The following DLG1 variants were observed in gnomAD, a reference collection of about 807,000 sequenced individuals.
DLG1 encodes the protein discs large MAGUK scaffold protein 1, also known as disks large homolog 1.
A neutral mutation model predicts 123.4 loss-of-function variants in DLG1; 42 were observed. The observed-to-expected ratio is 0.34, with a 90% CI of 0.27 to 0.44. The LOEUF (loss-of-function observed/expected upper bound fraction) is 0.44. Ranked by LOEUF, DLG1 falls within the 20% of genes least tolerant of loss-of-function variation. The pLI is 1.00. For missense variants in DLG1, 942 were observed against 1,082.6 expected, an observed-to-expected ratio of 0.87 and a Z score of 1.82; for synonymous variants, 317 against 356.2, an observed-to-expected ratio of 0.89 and a Z score of 1.24.
At chr3:197,133,350 G>C (rs1037107848) in intron 10 of DLG1, among the ~76,000 whole-genome samples, 1 of 152,218 alleles carries the variant, frequency 6.6e-6, no homozygotes, top group South Asian at 2.1e-4. Flanking sequence ...TCCCAGCTAA[G>C]AGCCAACTTG....
intron 11 of DLG1, among the ~76,000 whole-genome samples, chr3:197,120,239 T>G (rs1194071714): frequency 7.0e-6 from 1 of 143,788 alleles, no homozygotes; most frequent in Non-Finnish European, 1.5e-5. Context: ...CCAGCCTACG[T>G]AGGTGACAGA....
In DLG1 at chr3:197,297,219, A is replaced by T. The variant is rs111536435; in HGVS notation, c.-15T>A. On this transcript the variant is annotated 5_prime_UTR_variant, in exon 2 of 25. Coordinates refer to ENST00000667157, the MANE Select transcript of DLG1 (RefSeq NM_001366207.1). Reference sequence around the variant, plus strand: ...CGGACCGGCATTTTTCTCCAGAATCAGGAAGAGGGCACACACCTTTAAAAC... The same window carrying T: ...CGGACCGGCATTTTTCTCCAGAATCTGGAAGAGGGCACACACCTTTAAAAC... 6.2e-7 allele frequency: 1 copy of T among 1,614,178 alleles called. No individual in the cohort carries two copies. Among genetic ancestry groups the T allele is most frequent in the African/African-American group, 1.3e-5 (1 of 75,046 alleles).
At chr3:197,256,321 T>A (rs1188391630) in intron 4 of DLG1, among the ~76,000 whole-genome samples, 1 of 152,278 alleles carries the variant, frequency 6.6e-6, no homozygotes, top group African/African-American at 2.4e-5. Context: ...GGTAAGTAAA[T>A]GAGTGAGTGT....
intron 4 of DLG1, among the ~76,000 whole-genome samples, chr3:197,277,411 T>A (rs1480688103): frequency 6.6e-6 from 1 of 151,806 alleles, no homozygotes; most frequent in East Asian, 1.9e-4. Flanking sequence ...CCTTCCTGGG[T>A]TCTTTGGCAA....
intron 4 of DLG1, among the ~76,000 whole-genome samples, chr3:197,223,568 T>C (rs1254612288): frequency 6.6e-6 from 1 of 152,256 alleles, no homozygotes. Context: ...TGATTTGGAA[T>C]TTACATAGTA....
At chr3:197,175,937 C>T (rs1806803091) in intron 5 of DLG1, among the ~76,000 whole-genome samples, 1 of 152,090 alleles carries the variant, frequency 6.6e-6, no homozygotes, top group South Asian at 2.1e-4. Context: ...GTTATTAACA[C>T]ATTATTTTAA....
chr3:197,141,168 C>T (rs1052876631), intron 7 of DLG1, among the ~76,000 whole-genome samples: 10 of 152,198 alleles, frequency 6.6e-5, no homozygotes, highest in Non-Finnish European at 1.0e-4. Flanking sequence ...CACTCTACCA[C>T]CATTTGTCTT....
At chr3:197,225,600 TA>T (rs1739462239) in intron 4 of DLG1, among the ~76,000 whole-genome samples, 2 of 152,174 alleles carry the variant, frequency 1.3e-5, no homozygotes, top group Non-Finnish European at 1.5e-5. Flanking sequence ...TAGCAACACA[TA>T]AAAACCAAGT....
intron 4 of DLG1, among the ~76,000 whole-genome samples, chr3:197,218,365 A>C (rs991464944): frequency 6.6e-6 from 1 of 152,202 alleles, no homozygotes; most frequent in African/African-American, 2.4e-5. Flanking sequence ...TGCTTATCAC[A>C]TCTCTTAATG....
chr3:197,260,375 A>C, intron 4 of DLG1: 1 of 358,654 alleles, frequency 2.8e-6, no homozygotes. Flanking sequence ...AAATAAATAA[A>C]GCTGTGAGAT....
intron 5 of DLG1, among the ~76,000 whole-genome samples, chr3:197,179,736 C>T (rs1254090987): frequency 6.6e-6 from 1 of 152,078 alleles, no homozygotes; most frequent in East Asian, 1.9e-4. Context: ...TACTGTTATT[C>T]TCTCTATTGG....
chr3:197,253,308 A>G (rs1340222627), intron 4 of DLG1, among the ~76,000 whole-genome samples: 2 of 152,228 alleles, frequency 1.3e-5, no homozygotes, highest in Non-Finnish European at 2.9e-5. Flanking sequence ...ATGGCAAATA[A>G]GCACATGAAA....
At chr3:197,278,307 AAAAAG>A (rs1455035773) in intron 4 of DLG1, among the ~76,000 whole-genome samples, 1 of 149,098 alleles carries the variant, frequency 6.7e-6, no homozygotes, top group African/African-American at 2.5e-5. Flanking sequence ...AAAAAAAAAA[AAAAAG>A]AAATGATTTT....
At chr3:197,047,432 G>T (rs563861373) in intron 24 of DLG1, among the ~76,000 whole-genome samples, 2 of 151,966 alleles carry the variant, frequency 1.3e-5, no homozygotes, top group Non-Finnish European at 2.9e-5. Context: ...AAAGCACAAG[G>T]TTTAAAAACC....
chr3:197,105,050 T>A, intron 13 of DLG1, 45 bp from the exon 14 acceptor site: 1 of 1,279,550 alleles, frequency 7.8e-7, no homozygotes, highest in Non-Finnish European at 1.1e-6. Context: ...AGAATCACTG[T>A]GATTAGAAAT....
intron 13 of DLG1, among the ~76,000 whole-genome samples, chr3:197,110,942 T>G (rs528285814): frequency 6.6e-5 from 10 of 152,312 alleles, no homozygotes; most frequent in African/African-American, 2.4e-4. Context: ...TTCTAGTCTT[T>G]CCTGAGCATG....
chr3:197,281,717 A>G (rs953360472), intron 4 of DLG1, among the ~76,000 whole-genome samples: 1 of 152,236 alleles, frequency 6.6e-6, no homozygotes, highest in African/African-American at 2.4e-5. Flanking sequence ...AAGAGTCCTG[A>G]AATTCAAAGG....
intron 4 of DLG1, among the ~76,000 whole-genome samples, chr3:197,202,899 G>A (rs989456660): frequency 1.3e-5 from 2 of 151,834 alleles, no homozygotes; most frequent in African/African-American, 4.8e-5. Context: ...GTCAGAGAAC[G>A]ATGCAGTCTA....
At chr3:197,066,657 A>C in intron 20 of DLG1, 47 bp downstream of exon 20, 1 of 1,419,536 alleles carries the variant, frequency 7.0e-7, no homozygotes, top group Non-Finnish European at 9.6e-7. Flanking sequence ...CAAATTAAAA[A>C]GTATATTCTT....
Sources: allele counts gnomAD v4.1 joint callset (sites outside exome capture counted in the v4.1 genomes callset), GRCh38; gene constraint gnomAD v4.1.1; transcripts MANE v1.5; gene names NCBI Gene and HGNC (gene_info 2026-07-23, HGNC 2026-07-21).